The following LMO3 variants were observed in gnomAD, a reference collection of about 807,000 sequenced individuals.
The protein encoded by LMO3 is LIM domain only 3.
A neutral mutation model predicts 15.8 loss-of-function variants in LMO3; 2 were observed. The ratio of observed to expected loss-of-function variants is 0.13; its 90% CI spans 0.05 to 0.40. The LOEUF is 0.40. Among genes scored for constraint, LMO3 ranks in the 10% least tolerant of loss-of-function variants. The probability of loss-of-function intolerance (pLI) is 0.99; values close to 1 mark genes in which losing one functional copy is unlikely to be tolerated. For synonymous variants in LMO3, 62 were observed against 63.8 expected, an observed-to-expected ratio of 0.97 and a Z score of 0.13; for missense variants, 86 against 182.2, an observed-to-expected ratio of 0.47 and a Z score of 3.04.
At chr12:16,609,521 G>A (rs1312220934), upstream of LMO3, among the ~76,000 whole-genome samples, 2 of 152,018 alleles carry the variant, frequency 1.3e-5, no homozygotes, top group Non-Finnish European at 2.9e-5. Flanking sequence ...CCTTTTGCCT[G>A]TGCCCTCTTT....
chr12:16,582,491 G>C lies in LMO3; in HGVS notation c.206+18164C>G, dbSNP rs145458018. ...GAGTTATGTTAGTTTTGCATAAGCT[G>C]CTTTACATATTTTGAACTTAAGCTT... is the stretch of plus-strand genomic sequence containing the variant. On this transcript the variant is annotated intron_variant, in intron 2 of 3. Coordinates refer to ENST00000537304, the MANE Select transcript of LMO3 (RefSeq NM_018640.5). This position sits in a 1 kb window ranked among gnomAD's most constrained non-coding sequence, Gnocchi z 4.1. Among the ~76,000 whole-genome samples, 648 of 152,210 alleles carry C rather than the reference G, an allele frequency of 4.3e-3. 14 individuals are homozygous for C. Among genetic ancestry groups the C allele is most frequent in the Non-Finnish European group, 3.0e-3 (204 of 68,014 alleles).
In LMO3 at chr12:16,584,341, C is replaced by T. The variant is rs892033283; in HGVS notation, c.206+16314G>A. On this transcript the variant is annotated intron_variant, in intron 2 of 3. Coordinates refer to ENST00000537304, the MANE Select transcript of LMO3 (RefSeq NM_018640.5). This position sits in a 1 kb window ranked among gnomAD's most constrained non-coding sequence, Gnocchi z 5.2. The stretch of plus-strand genomic sequence containing the variant: ...TGTTGACAGCTGAAAGAAAAGTTGC[C>T]TCCTTAAAGGAGAGGCAAGTTTCAG... 1.3e-5 allele frequency among the ~76,000 whole-genome samples: 2 copies of T among 152,048 alleles called. No homozygotes were observed. Among genetic ancestry groups the T allele is most frequent in the African/African-American group, 4.8e-5 (2 of 41,386 alleles).
Position 16,586,286 on chromosome 12 carries a change from T to G in LMO3, c.206+14369A>C, listed in dbSNP as rs540070608. ...AATCTCTGGCAAGAACACAGAGTGT[T>G]AAGATGTCATGATACGATGAAGTCC... On this transcript the variant is annotated intron_variant, in intron 2 of 3. Coordinates refer to ENST00000537304, the MANE Select transcript of LMO3 (RefSeq NM_018640.5). This position sits in a 1 kb window ranked among gnomAD's most constrained non-coding sequence, Gnocchi z 4.3. Among the ~76,000 whole-genome samples, 71 of 152,256 alleles carry G rather than the reference T, an allele frequency of 4.7e-4. No individual in the cohort carries two copies. Among genetic ancestry groups the G allele is most frequent in the African/African-American group, 1.7e-3 (71 of 41,546 alleles).
rs1406817884 is a variant in LMO3, at chr12:16,549,321, A to ATATC, written c.*1897_*1900dup. The ATATC allele has an allele frequency of 2.6e-5, 4 of 152,320 alleles. No homozygotes were observed. The East Asian group carries it at 7.7e-4, about 29-fold the overall frequency. The allele number at this position is 152,320 out of a possible 1,614,324, so 9.4% of individuals were successfully genotyped here. A position where few individuals can be genotyped will look rare whatever the true frequency, so the allele number is the denominator to read the frequency against. On this transcript the variant is annotated 3_prime_UTR_variant, in exon 4 of 4. Coordinates refer to ENST00000537304, the MANE Select transcript of LMO3 (RefSeq NM_018640.5). Reference sequence around the variant, plus strand: ...CTACTTTTGAATTTCTTTCTTTAGTATATCTCAAATCTGGGGAACATGGAA... The same window carrying ATATC: ...CTACTTTTGAATTTCTTTCTTTAGTATATCTATCTCAAATCTGGGGAACATGGAA...
chr12:16,607,782 T>A (rs1253656681), upstream of LMO3: 2 of 145,860 alleles, frequency 1.4e-5, no homozygotes, highest in African/African-American at 5.0e-5. Context: ...ACCCCCCCCA[T>A]GAGTATTTAA....
Position 16,550,281 on chromosome 12 carries a change from T to A in LMO3, c.*941A>T, listed in dbSNP as rs918963188. ...TGTGGAGAGATCTGGGCAGAATTTA[T>A]ACAAGAAGAAGTTTAATTTATCACT... On this transcript the variant is annotated 3_prime_UTR_variant, in exon 4 of 4. Transcript: ENST00000537304. 2.6e-5 allele frequency: 4 copies of A among 152,446 alleles called. No individual in the cohort carries two copies. Among genetic ancestry groups the A allele is most frequent in the Non-Finnish European group, 4.4e-5 (3 of 67,916 alleles). The allele number at this position is 152,446 out of a possible 1,614,324, so 9.4% of individuals were successfully genotyped here.
chr12:16,593,513 C>A lies in LMO3; in HGVS notation c.206+7142G>T, dbSNP rs564716459. 2.1e-4 allele frequency among the ~76,000 whole-genome samples: 32 copies of A among 151,756 alleles called. No homozygotes were observed. Among genetic ancestry groups the A allele is most frequent in the Admixed American group, 1.5e-3 (23 of 15,194 alleles). ...ACTAACATGATAGCGCAAAGGAATT[C>A]GGCGAAAAGAGAATCATTACATAAC... On this transcript the variant is annotated intron_variant, in intron 2 of 3. Coordinates refer to ENST00000537304, the MANE Select transcript of LMO3 (RefSeq NM_018640.5). The surrounding 1 kb of genome is among the most constrained non-coding windows in gnomAD (Gnocchi z 4.2).
At position 16,560,652 on chromosome 12, in the gene LMO3, T is replaced by G; in HGVS notation, c.207-114A>C. 2.2e-6 allele frequency: 2 copies of G among 895,124 alleles called. No homozygotes were observed. Among genetic ancestry groups the G allele is most frequent in the Non-Finnish European group, 3.4e-6 (2 of 582,158 alleles). 55.4% of individuals were successfully genotyped at this position (895,124 alleles called of 1,614,324 possible). ...AGCTACAATACACAATGCTTTATGA[T>G]GTACACAAGTGGATTTTATCCTAGG... On this transcript the variant is annotated intron_variant, in intron 2 of 3. Coordinates refer to ENST00000537304, the MANE Select transcript of LMO3 (RefSeq NM_018640.5). This position sits in a 1 kb window ranked among gnomAD's most constrained non-coding sequence, Gnocchi z 5.0.
At chr12:16,570,703 A>G (rs553494661) in intron 2 of LMO3, among the ~76,000 whole-genome samples, 72 of 152,308 alleles carry the variant, frequency 4.7e-4, no homozygotes, top group African/African-American at 1.7e-3. Context: ...CTGGACTGCA[A>G]TGCAAAACTC....
chr12:16,554,547 A>G (rs1278519624), intron 3 of LMO3, among the ~76,000 whole-genome samples: 3 of 152,206 alleles, frequency 2.0e-5, no homozygotes, highest in Non-Finnish European at 4.4e-5. Flanking sequence ...TCCGGTTGTC[A>G]TTATACATCT....
In LMO3 at chr12:16,576,802, T is replaced by A. The variant is rs1943008718; in HGVS notation, c.207-16264A>T. Reference sequence around the variant, plus strand: ...CCCCTAGATTAGTACCATCTATTTTTAAATACCATTTTAAATTCAGTGTAC... The same window carrying A: ...CCCCTAGATTAGTACCATCTATTTTAAAATACCATTTTAAATTCAGTGTAC... On this transcript the variant is annotated intron_variant, in intron 2 of 3. Coordinates refer to ENST00000537304, the MANE Select transcript of LMO3 (RefSeq NM_018640.5). The surrounding 1 kb of genome is among the most constrained non-coding windows in gnomAD (Gnocchi z 4.1). Among the ~76,000 whole-genome samples the A allele has an allele frequency of 2.0e-5, 3 of 152,236 alleles. No individual in the cohort carries two copies. The South Asian group carries it at 6.2e-4, about 31-fold the overall frequency.
In LMO3 at chr12:16,598,414, TTAACA is replaced by T. The variant is rs1207778953; in HGVS notation, c.206+2236_206+2240del. 6.6e-6 allele frequency: 1 copy of T among 152,116 alleles called. No individual in the cohort carries two copies. Among genetic ancestry groups the T allele is most frequent in the Non-Finnish European group, 1.5e-5 (1 of 67,994 alleles). The allele number at this position is 152,116 out of a possible 1,614,324, so 9.4% of individuals were successfully genotyped here. ...TGAAATGTTAACAACCGTTAGGCTG[TTAACA>T]TAACAACTGGCCATTAATGTGGTAA... On this transcript the variant is annotated intron_variant, in intron 2 of 3. Transcript: ENST00000537304. The surrounding 1 kb of genome is among the most constrained non-coding windows in gnomAD (Gnocchi z 4.3).
intron 2 of LMO3, chr12:16,573,615 G>C (rs1942896589): frequency 6.6e-6 from 1 of 152,164 alleles, no homozygotes; most frequent in Non-Finnish European, 1.5e-5. Flanking sequence ...TCCCATGAAA[G>C]CAAACAACTT....
At position 16,549,242 on chromosome 12, in the gene LMO3, C is replaced by G. The variant is rs1941898503; in HGVS notation, c.*1980G>C. On this transcript the variant is annotated 3_prime_UTR_variant, in exon 4 of 4. Transcript: ENST00000537304. ...ATGCAAGTCCTTTCTCTTCATGAAA[C>G]AAGTGTAAGGCTCTAAGGCTAAAAT... 2 of 152,068 alleles carry G rather than the reference C, an allele frequency of 1.3e-5. No homozygotes were observed. Among genetic ancestry groups the G allele is most frequent in the South Asian group, 4.1e-4 (2 of 4,826 alleles). 9.4% of individuals were successfully genotyped at this position (152,068 alleles called of 1,614,324 possible).
intron 3 of LMO3, among the ~76,000 whole-genome samples, chr12:16,556,104 T>TA (rs1314650164): frequency 1.5e-4 from 23 of 151,870 alleles, no homozygotes; most frequent in Admixed American, 2.6e-4. Flanking sequence ...GCTTTATTCT[T>TA]AAAAAAAAGA....
intron 2 of LMO3, among the ~76,000 whole-genome samples, chr12:16,563,582 T>G (rs1310357941): frequency 6.6e-6 from 1 of 152,168 alleles, no homozygotes; most frequent in African/African-American, 2.4e-5. Context: ...CTGATAATTC[T>G]TGTAACCTCT....
rs1045869094 is a variant in LMO3 at position 16,548,502 on chromosome 12, C to G, written c.*2720G>C. On this transcript the variant is annotated 3_prime_UTR_variant, in exon 4 of 4. Coordinates refer to ENST00000537304, the MANE Select transcript of LMO3 (RefSeq NM_018640.5). This position sits in a 1 kb window ranked among gnomAD's most constrained non-coding sequence, Gnocchi z 4.2. ...CAGGTCAACTTTTAAACTCAGCACTCTGTTGGAGTGGAGGTGCACGGTCCT... is the reference window on the plus strand; with the variant it reads ...CAGGTCAACTTTTAAACTCAGCACTGTGTTGGAGTGGAGGTGCACGGTCCT... 6.6e-6 allele frequency: 1 copy of G among 152,138 alleles called. No individual in the cohort carries two copies. Among genetic ancestry groups the G allele is most frequent in the Non-Finnish European group, 1.5e-5 (1 of 68,016 alleles). The allele number at this position is 152,138 out of a possible 1,614,324, so 9.4% of individuals were successfully genotyped here.
chr12:16,607,769 A>T (rs1944048400), upstream of LMO3: 1 of 136,450 alleles, frequency 7.3e-6, no homozygotes, highest in African/African-American at 2.5e-5. Flanking sequence ...AAAAAATCAA[A>T]GCACCCCCCC....
intron 2 of LMO3, among the ~76,000 whole-genome samples, chr12:16,561,686 G>A (rs1375430638): frequency 6.6e-6 from 1 of 152,116 alleles, no homozygotes; most frequent in Admixed American, 6.6e-5. Context: ...CTTTTCTTAA[G>A]GCATGCATAT....
Sources: gnomAD v4.1 joint callset for allele counts (sites outside exome capture counted in the v4.1 genomes callset) on GRCh38, gnomAD v4.1.1 for gene constraint, Gnocchi (gnomAD v3.1) non-coding constraint, MANE v1.5 for transcripts, NCBI Gene and HGNC (gene_info 2026-07-23, HGNC 2026-07-21) for gene names.